The following IL5RA variants were observed in gnomAD, a reference collection of about 807,000 sequenced individuals.
IL5RA encodes interleukin-5 receptor subunit alpha.
IL5RA carries 49 observed loss-of-function variants against 50.0 expected under a neutral mutation model. The observed-to-expected ratio is 0.98, with a 90% confidence interval of 0.78 to 1.24. The LOEUF is 1.24. Ranked by LOEUF, IL5RA falls within the 50% of genes most tolerant of loss-of-function variation. The pLI, the probability that IL5RA is intolerant of heterozygous loss-of-function variation, is 0.00. For missense variants in IL5RA, 600 were observed against 500.4 expected, an observed-to-expected ratio of 1.20 and a Z score of -1.90; for synonymous variants, 202 against 174.0, an observed-to-expected ratio of 1.16 and a Z score of -1.26.
chr3:3,104,954 GGAT>G lies in IL5RA; in HGVS notation c.28_30del (p.Ile10del). Reference sequence around the variant, plus strand: ...TGCAGTATCTCAGTGGCCCCCAAAAGGATGAGTAATACATGCGCCACGATGATC... The same window carrying G: ...TGCAGTATCTCAGTGGCCCCCAAAAGGAGTAATACATGCGCCACGATGATC... On this transcript the variant is annotated inframe_deletion, in exon 3 of 12. Coordinates refer to ENST00000446632, the MANE Select transcript of IL5RA (RefSeq NM_175726.4). 6.2e-7 allele frequency: 1 copy of G among 1,612,858 alleles called. No individual in the cohort carries two copies. Among genetic ancestry groups the G allele is most frequent in the Non-Finnish European group, 8.5e-7 (1 of 1,179,082 alleles).
At chr3:3,075,285 C>T (rs1402458328) in intron 10 of IL5RA, among the ~76,000 whole-genome samples, 2 of 131,028 alleles carry the variant, frequency 1.5e-5, no homozygotes, top group Non-Finnish European at 3.1e-5. Flanking sequence ...TTATTGCAAT[C>T]TCCACCTCTC....
At chr3:3,076,757 A>ACTGGGTGGT (rs1702500234) in intron 9 of IL5RA, 130 bp from the exon 10 acceptor site, 1 of 569,336 alleles carries the variant, frequency 1.8e-6, no homozygotes, top group Admixed American at 3.5e-5. Flanking sequence ...GTGTTGGGCA[A>ACTGGGTGGT]GTAGCTTAAC....
chr3:3,074,666 T>A (rs1419946340), intron 11 of IL5RA, 116 bp downstream of exon 11: 2 of 610,272 alleles, frequency 3.3e-6, no homozygotes, highest in Non-Finnish European at 5.9e-6. Flanking sequence ...GAAATGCTCC[T>A]GGCCTTCTGA....
chr3:3,090,344 G>C (rs971254296), intron 9 of IL5RA: 7 of 928,996 alleles, frequency 7.5e-6, no homozygotes, highest in Non-Finnish European at 1.2e-5. Flanking sequence ...TCTATGTAAG[G>C]CTCCAGTCTT....
chr3:3,090,863 A>G (rs547325490), intron 9 of IL5RA, among the ~76,000 whole-genome samples: 1 of 151,980 alleles, frequency 6.6e-6, no homozygotes, highest in South Asian at 2.1e-4. Context: ...GTGAGCCACC[A>G]CGCCCGGCCA....
intron 7 of IL5RA, among the ~76,000 whole-genome samples, chr3:3,097,487 G>C (rs533690114): frequency 3.1e-4 from 47 of 152,296 alleles, no homozygotes; most frequent in African/African-American, 1.1e-3. Context: ...CTTTTAAGCA[G>C]CTAAATTCAC....
chr3:3,082,544 GACCTC>G (rs1702704798), intron 9 of IL5RA, among the ~76,000 whole-genome samples: 2 of 152,218 alleles, frequency 1.3e-5, no homozygotes, highest in African/African-American at 4.8e-5. Context: ...GGTGTCTGGG[GACCTC>G]AGTTTCCATT....
chr3:3,098,878 T>A (rs1703493052), intron 5 of IL5RA, among the ~76,000 whole-genome samples: 1 of 152,182 alleles, frequency 6.6e-6, no homozygotes, highest in Non-Finnish European at 1.5e-5. Flanking sequence ...AGAAGTACAA[T>A]ATATTGTCAT....
At chr3:3,085,914 GCT>G (rs1702840330) in intron 9 of IL5RA, among the ~76,000 whole-genome samples, 1 of 148,066 alleles carries the variant, frequency 6.8e-6, no homozygotes, top group Non-Finnish European at 1.5e-5. Flanking sequence ...GCCCCTGTCT[GCT>G]GTGACCTCAT....
In IL5RA at chr3:3,109,995, C is replaced by T. The variant is rs551005688; in HGVS notation, c.-196G>A. On this transcript the variant is annotated 5_prime_UTR_variant, in exon 1 of 12. Coordinates refer to ENST00000446632, the MANE Select transcript of IL5RA (RefSeq NM_175726.4). Reference sequence around the variant, plus strand: ...AGAAGCAGCGGCAGGGCATTGAGAACGAACCTTATCTCTGGGTGCACTTTT... The same window carrying T: ...AGAAGCAGCGGCAGGGCATTGAGAATGAACCTTATCTCTGGGTGCACTTTT... 6.6e-5 allele frequency: 10 copies of T among 152,314 alleles called. No individual in the cohort carries two copies. Among genetic ancestry groups the T allele is most frequent in the South Asian group, 2.1e-4 (1 of 4,832 alleles). The allele number at this position is 152,314 out of a possible 1,614,324, so 9.4% of individuals were successfully genotyped here.
At chr3:3,103,389 T>A (rs977652916) in intron 3 of IL5RA, among the ~76,000 whole-genome samples, 1 of 152,232 alleles carries the variant, frequency 6.6e-6, no homozygotes, top group African/African-American at 2.4e-5. Flanking sequence ...ATTTTTGTTT[T>A]AGTAATGTGG....
intron 11 of IL5RA, among the ~76,000 whole-genome samples, chr3:3,071,677 C>T (rs556258221): frequency 6.6e-6 from 1 of 151,622 alleles, no homozygotes; most frequent in South Asian, 2.1e-4. Flanking sequence ...GCAACCTCCG[C>T]CTCCTGGGCT....
In IL5RA at chr3:3,095,418, T is replaced by A; in HGVS notation, c.736A>T (p.Thr246Ser). The change falls in exon 8 of 12, where the codon ACA (threonine) becomes TCA (serine). Residue 246 changes from threonine to serine, a missense_variant. Coordinates refer to ENST00000446632, the MANE Select transcript of IL5RA (RefSeq NM_175726.4). ...IDQINPPLNV[T>S]AEIEGTRLSI... ...AGACGAGTTCCTTCAATCTCTGCTG[T>A]GACATTCAGTGGAGGATTTATTTGA... The A allele has an allele frequency of 3.1e-6, 5 of 1,612,042 alleles. No homozygotes were observed. Among genetic ancestry groups the A allele is most frequent in the Non-Finnish European group, 4.2e-6 (5 of 1,179,254 alleles).
At position 3,095,293 on chromosome 3, in the gene IL5RA, A is replaced by C. The variant is rs767818504; in HGVS notation, c.855+6T>G. Reference sequence around the variant, plus strand: ...TATCAAATATTGGAATAATCTGAGTAATTACCTGCAAATATCCATTCCTTG... The same window carrying C: ...TATCAAATATTGGAATAATCTGAGTCATTACCTGCAAATATCCATTCCTTG... On this transcript the variant is annotated splice_donor_region_variant and intron_variant, in intron 8 of 11. Coordinates refer to ENST00000446632, the MANE Select transcript of IL5RA (RefSeq NM_175726.4). The C allele has an allele frequency of 6.4e-7, 1 of 1,572,512 alleles. No individual in the cohort carries two copies. Among genetic ancestry groups the C allele is most frequent in the South Asian group, 1.2e-5 (1 of 86,506 alleles).
chr3:3,096,315 G>C (rs1004207444), intron 7 of IL5RA, among the ~76,000 whole-genome samples: 2 of 147,912 alleles, frequency 1.4e-5, no homozygotes, highest in Non-Finnish European at 3.0e-5. Context: ...AAGAAGAGTG[G>C]ATTGGGCTAA....
At chr3:3,076,335 C>T (rs143062523) in intron 10 of IL5RA, among the ~76,000 whole-genome samples, 196 bp downstream of exon 10, 96 of 152,220 alleles carry the variant, frequency 6.3e-4, no homozygotes, top group Middle Eastern at 6.8e-3. Flanking sequence ...GTGCTCTGTC[C>T]AACTTCTGTA....
At chr3:3,078,750 C>T (rs1702567602) in intron 9 of IL5RA, among the ~76,000 whole-genome samples, 2 of 151,444 alleles carry the variant, frequency 1.3e-5, no homozygotes. Context: ...AGGACAATTG[C>T]TTGAACCTGG....
chr3:3,087,642 G>GGGA (rs1553750352), intron 9 of IL5RA, among the ~76,000 whole-genome samples: 1 of 151,044 alleles, frequency 6.6e-6, no homozygotes, highest in East Asian at 2.0e-4. Context: ...ATAATGGGGG[G>GGGA]GAAATTAATA....
chr3:3,098,144 A>T lies in IL5RA; in HGVS notation c.514T>A (p.Tyr172Asn), dbSNP rs568089911. The T allele has an allele frequency of 5.0e-6, 8 of 1,614,094 alleles. No individual in the cohort carries two copies. Among genetic ancestry groups the T allele is most frequent in the Non-Finnish European group, 6.8e-6 (8 of 1,180,030 alleles). The change falls in exon 6 of 12, where the codon TAC becomes AAC. Residue 172 changes from tyrosine to asparagine, a missense_variant. Tyr to Asn is a moderately radical substitution (Grantham distance 143). Coordinates refer to ENST00000446632, the MANE Select transcript of IL5RA (RefSeq NM_175726.4). ...AATAGGTACAGTACTAACCTATAGT[A>T]GAGAAAATACTGCGTGTCCTCAGGG... is the stretch of plus-strand genomic sequence containing the variant. ...DAPEDTQYFL[Y>N]YRYGSWTEEC...
Sources: allele counts gnomAD v4.1 joint callset (sites outside exome capture counted in the v4.1 genomes callset), GRCh38; gene constraint gnomAD v4.1.1; transcripts MANE v1.5; gene names NCBI Gene and HGNC (gene_info 2026-07-23, HGNC 2026-07-21).